Variants in ATP2B1 observed in about 807,000 individuals in gnomAD.
The protein encoded by ATP2B1 is plasma membrane calcium-transporting ATPase 1.
Under a neutral mutation model 124.2 loss-of-function variants are expected in ATP2B1, and 14 were observed. The observed-to-expected ratio is 0.11, with a 90% CI of 0.07 to 0.18. The LOEUF is 0.18. Ranked by LOEUF, ATP2B1 falls within the 10% of genes least tolerant of loss-of-function variation. The pLI, the probability that ATP2B1 is intolerant of heterozygous loss-of-function variation, is 1.00. For missense variants in ATP2B1, 763 were observed against 1,466.1 expected (o/e 0.52, Z 7.83); for synonymous variants, 449 against 492.4 (o/e 0.91, Z 1.17).
intron 12 of ATP2B1, 42 bp downstream of exon 12, chr12:89,616,760 T>C (rs1272793212): frequency 1.3e-6 from 2 of 1,564,496 alleles, no homozygotes; most frequent in Admixed American, 3.4e-5. Context: ...TCCTCTATAG[T>C]TATGAGATTC....
intron 15 of ATP2B1, 144 bp downstream of exon 15, chr12:89,609,793 C>T: frequency 1.6e-6 from 1 of 642,456 alleles, no homozygotes; most frequent in African/African-American, 1.9e-5. Context: ...ACTTATAAAC[C>T]AATTTAAGCT....
At chr12:89,666,613 T>G (rs780315197) in intron 1 of ATP2B1, among the ~76,000 whole-genome samples, 3 of 152,182 alleles carry the variant, frequency 2.0e-5, no homozygotes, top group African/African-American at 7.2e-5. Flanking sequence ...TTGCTCTTTA[T>G]CCTCCTACCA....
chr12:89,598,841 C>A, intron 20 of ATP2B1: 1 of 1,406,624 alleles, frequency 7.1e-7, no homozygotes, highest in Admixed American at 2.0e-5. Context: ...AAGAAAAAGG[C>A]ACTTTTTACA....
At chr12:89,593,159 C>T (rs771064795) in intron 20 of ATP2B1, among the ~76,000 whole-genome samples, 1 of 151,962 alleles carries the variant, frequency 6.6e-6, no homozygotes. Flanking sequence ...CTAAATATAA[C>T]GTTATAGTAA....
chr12:89,668,078 A>C (rs750917127), intron 1 of ATP2B1, among the ~76,000 whole-genome samples: 5 of 152,200 alleles, frequency 3.3e-5, no homozygotes, highest in Non-Finnish European at 5.9e-5. Flanking sequence ...GGAAGGGGCT[A>C]AAAACTGCAG....
intron 18 of ATP2B1, 66 bp downstream of exon 18, chr12:89,602,977 C>T: frequency 7.2e-7 from 1 of 1,396,614 alleles, no homozygotes. Context: ...ATTGCTAGAA[C>T]AAGCTGTTTA....
At chr12:89,673,975 T>G (rs1406060876) in intron 1 of ATP2B1, among the ~76,000 whole-genome samples, 2 of 152,188 alleles carry the variant, frequency 1.3e-5, no homozygotes, top group Admixed American at 6.5e-5. Flanking sequence ...ACTGCATACC[T>G]CAATTAATTT....
intron 11 of ATP2B1, 93 bp from the exon 12 acceptor site, chr12:89,617,132 T>A: frequency 1.1e-6 from 1 of 892,064 alleles, no homozygotes; most frequent in Non-Finnish European, 1.8e-6. Context: ...AATCATGGGA[T>A]CTGATATCTG....
At chr12:89,630,766 A>AATAGAAAT in intron 5 of ATP2B1, 121 bp from the exon 6 acceptor site, 1 of 279,954 alleles carries the variant, frequency 3.6e-6, no homozygotes. Flanking sequence ...AATATATATA[A>AATAGAAAT]ATATAAATAT....
At chr12:89,596,113 C>G (rs970851859) in intron 20 of ATP2B1, among the ~76,000 whole-genome samples, 1 of 151,984 alleles carries the variant, frequency 6.6e-6, no homozygotes, top group Non-Finnish European at 1.5e-5. Flanking sequence ...TAATATAAAG[C>G]TTGGAACACA....
intron 1 of ATP2B1, among the ~76,000 whole-genome samples, chr12:89,670,853 T>C (rs913105034): frequency 1.3e-5 from 2 of 149,370 alleles, no homozygotes; most frequent in African/African-American, 5.0e-5. Context: ...AAAGGAAAAA[T>C]GATACACTAT....
intron 1 of ATP2B1, among the ~76,000 whole-genome samples, chr12:89,679,173 A>G (rs1435726842): frequency 6.6e-6 from 1 of 152,164 alleles, no homozygotes; most frequent in Non-Finnish European, 1.5e-5. Context: ...AGGTTGGCCA[A>G]AATCACCCAC....
chr12:89,660,060 GATT>G (rs1886516072), intron 1 of ATP2B1, among the ~76,000 whole-genome samples: 1 of 152,038 alleles, frequency 6.6e-6, no homozygotes, highest in Non-Finnish European at 1.5e-5. Context: ...TGCTAAAAAT[GATT>G]ATTAATATTG....
chr12:89,608,301 TG>T (rs1877350841), intron 15 of ATP2B1, among the ~76,000 whole-genome samples: 1 of 152,224 alleles, frequency 6.6e-6, no homozygotes, highest in African/African-American at 2.4e-5. Flanking sequence ...TCCAAGTAGT[TG>T]GGATTACAGG....
At chr12:89,649,242 A>G (rs1191232561) in intron 2 of ATP2B1, among the ~76,000 whole-genome samples, 1 of 152,222 alleles carries the variant, frequency 6.6e-6, no homozygotes, top group Non-Finnish European at 1.5e-5. Flanking sequence ...TTGCATCCTA[A>G]GCCTAGAAAG....
intron 11 of ATP2B1, among the ~76,000 whole-genome samples, chr12:89,617,894 C>T (rs1220190556): frequency 6.6e-6 from 1 of 152,132 alleles, no homozygotes; most frequent in Non-Finnish European, 1.5e-5. Flanking sequence ...AAAATTTCAC[C>T]TTAATACTTA....
chr12:89,626,366 T>TTTCCAGCC (rs1880875006), intron 8 of ATP2B1, 88 bp downstream of exon 8: 2 of 1,386,740 alleles, frequency 1.4e-6, no homozygotes, highest in Admixed American at 5.2e-5. Context: ...AAAGCAACAA[T>TTTCCAGCC]TTCCAGCCTT....
intron 5 of ATP2B1, among the ~76,000 whole-genome samples, chr12:89,631,176 C>T (rs191346998): frequency 5.9e-5 from 9 of 152,318 alleles, no homozygotes; most frequent in Non-Finnish European, 8.8e-5. Context: ...CTACTACTCA[C>T]TTACCATGTA....
In ATP2B1 at chr12:89,616,974, A is replaced by G. The variant is rs1474798813; in HGVS notation, c.1895T>C (p.Ile632Thr). ...CATCGGTTCAATCACAGTTTTTACA[A>G]TATCATCACGGTCCCTTGGTCTGAA... ...KVFRPRDRDD[I>T]VKTVIEPMAS... Residue 632 changes from isoleucine (I) to threonine (T), a missense_variant, in exon 12 of 21, where the codon ATT (isoleucine) becomes ACT (threonine). Physicochemically the swap from Ile to Thr is moderately conservative, Grantham distance 89 (BLOSUM62 -1). This residue lies in a region of ATP2B1 where 392 missense variants were observed against 776.6 expected (regional missense o/e 0.50). Coordinates refer to ENST00000428670, the MANE Select transcript of ATP2B1 (RefSeq NM_001366521.1). 6.2e-7 allele frequency: 1 copy of G among 1,614,124 alleles called. No individual in the cohort carries two copies.
Sources: gnomAD v4.1 joint callset for allele counts (sites outside exome capture counted in the v4.1 genomes callset) on GRCh38, gnomAD v4.1.1 for gene constraint, gnomAD v4.1.1 regional missense constraint, MANE v1.5 for transcripts, NCBI Gene and HGNC (gene_info 2026-07-23, HGNC 2026-07-21) for gene names.